The following CLEC2B variants were observed in gnomAD, a reference collection of about 807,000 sequenced individuals.
CLEC2B encodes C-type (calcium dependent, carbohydrate-recognition domain) lectin, superfamily member 2 (activation-induced).
A neutral mutation model predicts 16.2 loss-of-function variants in CLEC2B; 14 were observed. The observed-to-expected ratio is 0.86, with a 90% confidence interval of 0.57 to 1.35. The LOEUF is 1.35. Ranked by LOEUF, CLEC2B falls within the 40% of genes most tolerant of loss-of-function variation. CLEC2B has a pLI of 0.00. For synonymous variants in CLEC2B, 42 were observed against 55.8 expected (o/e 0.75, Z 1.10); for missense variants, 166 against 182.3 (o/e 0.91, Z 0.52).
intron 2 of CLEC2B, among the ~76,000 whole-genome samples, chr12:9,858,505 G>A (rs1179828811): frequency 6.6e-6 from 1 of 151,936 alleles, no homozygotes; most frequent in Non-Finnish European, 1.5e-5. Context: ...GAACCTTGAG[G>A]ATGAGATATG....
At chr12:9,858,383 A>G (rs140245699) in intron 2 of CLEC2B, among the ~76,000 whole-genome samples, 12 of 152,130 alleles carry the variant, frequency 7.9e-5, no homozygotes, top group African/African-American at 2.9e-4. Context: ...TCCCACATTC[A>G]TGTTATCCCT....
At chr12:9,865,304 A>G (rs1281241787) in intron 1 of CLEC2B, among the ~76,000 whole-genome samples, 2 of 152,146 alleles carry the variant, frequency 1.3e-5, no homozygotes, top group Admixed American at 1.3e-4. Context: ...AATGAAAGTG[A>G]AGGGGATGAA....
chr12:9,859,125 C>T (rs947773714), intron 2 of CLEC2B, among the ~76,000 whole-genome samples: 1 of 151,738 alleles, frequency 6.6e-6, no homozygotes, highest in Non-Finnish European at 1.5e-5. Flanking sequence ...ACTTGTGGGA[C>T]ACAGCAACTC....
At chr12:9,860,771 G>A (rs1867927222) in intron 2 of CLEC2B, among the ~76,000 whole-genome samples, 1 of 151,772 alleles carries the variant, frequency 6.6e-6, no homozygotes. Context: ...ATAAAATAGA[G>A]TAAATTAATG....
intron 2 of CLEC2B, among the ~76,000 whole-genome samples, chr12:9,861,056 A>G (rs1195890143): frequency 6.6e-6 from 1 of 152,060 alleles, no homozygotes; most frequent in East Asian, 1.9e-4. Context: ...AATGAAAAAT[A>G]TAGTGACAAT....
chr12:9,864,794 A>T (rs1867958727), intron 1 of CLEC2B, among the ~76,000 whole-genome samples: 1 of 151,914 alleles, frequency 6.6e-6, no homozygotes, highest in South Asian at 2.1e-4. Flanking sequence ...AGAGAAATTT[A>T]AAAACAACCA....
chr12:9,863,038 C>G (rs1371088295), intron 1 of CLEC2B, among the ~76,000 whole-genome samples: 1 of 152,150 alleles, frequency 6.6e-6, no homozygotes, highest in Non-Finnish European at 1.5e-5. Flanking sequence ...AGAAACTGTG[C>G]TCTGTTACTT....
chr12:9,858,797 G>A (rs1006063092), intron 2 of CLEC2B, among the ~76,000 whole-genome samples: 2 of 151,772 alleles, frequency 1.3e-5, no homozygotes, highest in Admixed American at 1.3e-4. Flanking sequence ...ATTAGTGTTT[G>A]TGTTACTCTT....
intron 2 of CLEC2B, among the ~76,000 whole-genome samples, chr12:9,858,371 C>A (rs945327853): frequency 6.6e-6 from 1 of 152,050 alleles, no homozygotes; most frequent in South Asian, 2.1e-4. Flanking sequence ...ACTTCCAGAT[C>A]TTCCCACATT....
chr12:9,858,106 T>C (rs1212110459), intron 2 of CLEC2B, among the ~76,000 whole-genome samples: 1 of 152,074 alleles, frequency 6.6e-6, no homozygotes, highest in Non-Finnish European at 1.5e-5. Flanking sequence ...CATCACTGTA[T>C]AGCTCCGGTT....
At chr12:9,853,782 A>G (rs1867871318) in intron 4 of CLEC2B, among the ~76,000 whole-genome samples, 1 of 152,104 alleles carries the variant, frequency 6.6e-6, no homozygotes, top group Non-Finnish European at 1.5e-5. Context: ...GGTGCTGCCA[A>G]TGCCCTACAA....
At chr12:9,863,175 A>C (rs1034662097) in intron 1 of CLEC2B, among the ~76,000 whole-genome samples, 1 of 152,112 alleles carries the variant, frequency 6.6e-6, no homozygotes, top group Non-Finnish European at 1.5e-5. Context: ...TCCCCTTTGG[A>C]AGCACCCTCA....
Position 9,858,813 on chromosome 12 carries a change from A to G in CLEC2B, c.74-1176T>C, listed in dbSNP as rs79517701. ...TTAGTGTTTGTGTTACTCTTAGATAATGCTAGGATTTCATTATAGTTCATT... is the reference window on the plus strand; with the variant it reads ...TTAGTGTTTGTGTTACTCTTAGATAGTGCTAGGATTTCATTATAGTTCATT... On this transcript the variant is annotated intron_variant, in intron 2 of 4. Transcript: ENST00000228438. 1.3e-3 allele frequency among the ~76,000 whole-genome samples: 196 copies of G among 152,110 alleles called. 3 individuals are homozygous for G. The East Asian group carries it at 0.033, about 26-fold the overall frequency.
At chr12:9,859,174 T>C (rs886164359) in intron 2 of CLEC2B, among the ~76,000 whole-genome samples, 3 of 152,000 alleles carry the variant, frequency 2.0e-5, no homozygotes, top group Non-Finnish European at 2.9e-5. Context: ...CTTAAGATTA[T>C]GTTTTAGAAA....
chr12:9,866,999 T>TTACG (rs1867975329), intron 1 of CLEC2B: 1 of 152,162 alleles, frequency 6.6e-6, no homozygotes, highest in Admixed American at 6.6e-5. Context: ...TTGGTAGATT[T>TTACG]TACGTACAGA....
intron 2 of CLEC2B, 147 bp from the exon 3 acceptor site, chr12:9,857,784 TTA>T (rs1284299419): frequency 4.6e-6 from 3 of 656,976 alleles, no homozygotes; most frequent in Non-Finnish European, 7.7e-6. Flanking sequence ...TGAAAAAATT[TTA>T]TGTCTTTGTC....
rs746744295 is a variant in CLEC2B at position 9,857,648 on chromosome 12, G to A, written c.74-11C>T. On this transcript the variant is annotated splice_polypyrimidine_tract_variant and intron_variant, in intron 2 of 4. Transcript: ENST00000228438. ...CTCGAGTTAGTTTAACTGGAAATGAGACAAATATATATCTTAAGTACCATA... is the reference window on the plus strand; with the variant it reads ...CTCGAGTTAGTTTAACTGGAAATGAAACAAATATATATCTTAAGTACCATA... 2 of 1,591,580 alleles carry A rather than the reference G, an allele frequency of 1.3e-6. No homozygotes were observed. The highest frequency in any genetic ancestry group is 1.7e-6 in the Non-Finnish European group (2 of 1,161,066).
Position 9,862,479 on chromosome 12 carries a change from A to G in CLEC2B, c.73+20T>C. On this transcript the variant is annotated intron_variant, in intron 2 of 4. Coordinates refer to ENST00000228438, the MANE Select transcript of CLEC2B (RefSeq NM_005127.3). ...CACACATAGAAAGCCATGAAAAATA[A>G]AATGAAGGATGTAACTTACCTATCA... The G allele has an allele frequency of 6.9e-7, 1 of 1,446,742 alleles. No individual in the cohort carries two copies. The highest frequency in any genetic ancestry group is 9.3e-7 in the Non-Finnish European group (1 of 1,079,384). The allele number at this position is 1,446,742 out of a possible 1,614,324, so 89.6% of individuals were successfully genotyped here. A position where few individuals can be genotyped will look rare whatever the true frequency, so the allele number is the denominator to read the frequency against.
intron 2 of CLEC2B, among the ~76,000 whole-genome samples, 184 bp from the exon 3 acceptor site, chr12:9,857,821 T>C (rs2136978092): frequency 1.3e-5 from 2 of 152,242 alleles, no homozygotes; most frequent in Middle Eastern, 3.4e-3. Flanking sequence ...GACAGTAGTT[T>C]AAGATTTATC....
Sources: allele counts gnomAD v4.1 joint callset (sites outside exome capture counted in the v4.1 genomes callset), GRCh38; gene constraint gnomAD v4.1.1; transcripts MANE v1.5; gene names NCBI Gene and HGNC (gene_info 2026-07-23, HGNC 2026-07-21).